EIF4EBP2: variants seen among roughly 807,000 people sequenced by gnomAD.
The protein encoded by EIF4EBP2 is eukaryotic translation initiation factor 4E binding protein 2.
In EIF4EBP2, 5 loss-of-function variants were observed where a neutral mutation model predicts 10.3. That is an observed-to-expected ratio of 0.48 (90% CI 0.25 to 1.02). The LOEUF (loss-of-function observed/expected upper bound fraction) is 1.02. Among genes scored for constraint, EIF4EBP2 ranks in the 50% least tolerant of loss-of-function variants. The pLI is 0.15. For synonymous variants in EIF4EBP2, 67 were observed against 61.1 expected (o/e 1.10, Z -0.45); for missense variants, 188 against 162.2 (o/e 1.16, Z -0.86).
rs1289419665 is a variant in EIF4EBP2 at position 70,420,008 on chromosome 10, A to C, written c.240A>C (p.Gly80=). The C allele has an allele frequency of 2.5e-6, 4 of 1,613,396 alleles. No homozygotes were observed. Among genetic ancestry groups the C allele is most frequent in the Non-Finnish European group, 3.4e-6 (4 of 1,179,726 alleles). ...TPPCHLPNIP[G]VTSPGTLIED... The stretch of plus-strand genomic sequence containing the variant: ...CCTGCCACCTGCCCAATATCCCAGG[A>C]GTCACTAGCCCTGGCACCTTAATTG... Residue 80 remains glycine (G), a synonymous_variant, in exon 2 of 3, where the codon GGA becomes GGC. Coordinates refer to ENST00000373218, the MANE Select transcript of EIF4EBP2 (RefSeq NM_004096.5).
intron 1 of EIF4EBP2, among the ~76,000 whole-genome samples, chr10:70,416,217 A>G (rs915287887): frequency 1.3e-5 from 2 of 152,320 alleles, no homozygotes; most frequent in African/African-American, 4.8e-5. Flanking sequence ...AATGTTGGCT[A>G]CAATATATAA....
rs772640749 is a variant in EIF4EBP2, at chr10:70,427,844, AG to A, written c.*6100del. 3.9e-5 allele frequency: 6 copies of A among 152,190 alleles called. No individual in the cohort carries two copies. The highest frequency in any genetic ancestry group is 8.8e-5 in the Non-Finnish European group (6 of 68,032). The allele number at this position is 152,190 out of a possible 1,614,324, so 9.4% of individuals were successfully genotyped here. A position where few individuals can be genotyped will look rare whatever the true frequency, so the allele number is the denominator to read the frequency against. On this transcript the variant is annotated 3_prime_UTR_variant, in exon 3 of 3. Transcript: ENST00000373218. ...CATTTGGCCACACTGAAATTTCCAA[AG>A]GGAGCTCTTGCCGGTGCTTAAAACC...
Position 70,423,551 on chromosome 10 carries a change from G to T in EIF4EBP2, c.*1804G>T, listed in dbSNP as rs981944670. The T allele has an allele frequency of 6.6e-6, 1 of 152,426 alleles. No individual in the cohort carries two copies. The highest frequency in any genetic ancestry group is 1.9e-4 in the East Asian group (1 of 5,196). 9.4% of individuals were successfully genotyped at this position (152,426 alleles called of 1,614,324 possible). A position where few individuals can be genotyped will look rare whatever the true frequency, so the allele number is the denominator to read the frequency against. ...CTGGTGTCCTGGGAATTTCTGGTTGGATTTGGTGCCCTGAACTTTTTTATT... is the reference window on the plus strand; with the variant it reads ...CTGGTGTCCTGGGAATTTCTGGTTGTATTTGGTGCCCTGAACTTTTTTATT... On this transcript the variant is annotated 3_prime_UTR_variant, in exon 3 of 3. Transcript: ENST00000373218.
intron 1 of EIF4EBP2, among the ~76,000 whole-genome samples, chr10:70,415,823 C>T (rs1440293838): frequency 1.3e-5 from 2 of 151,828 alleles, no homozygotes; most frequent in African/African-American, 4.8e-5. Context: ...ATCTTTATGA[C>T]CTTGGATTAG....
intron 1 of EIF4EBP2, among the ~76,000 whole-genome samples, chr10:70,416,577 CAA>C (rs370665696): frequency 9.4e-4 from 75 of 79,774 alleles, no homozygotes; most frequent in African/African-American, 3.0e-3. Context: ...GACTCTGTCT[CAA>C]AAAAAAAAAA....
At chr10:70,408,903 T>C (rs1845012133) in intron 1 of EIF4EBP2, among the ~76,000 whole-genome samples, 1 of 152,210 alleles carries the variant, frequency 6.6e-6, no homozygotes. Flanking sequence ...ATTGGAAATC[T>C]CTATTTAGTG....
intron 1 of EIF4EBP2, among the ~76,000 whole-genome samples, chr10:70,416,911 C>T (rs1379861850): frequency 2.6e-5 from 4 of 152,088 alleles, no homozygotes; most frequent in South Asian, 2.1e-4. Flanking sequence ...AAGTAATACA[C>T]GTTGGCCTCC....
At chr10:70,404,753 G>A (rs561736849) in intron 1 of EIF4EBP2, among the ~76,000 whole-genome samples, 114 of 152,346 alleles carry the variant, frequency 7.5e-4, no homozygotes, top group Non-Finnish European at 1.3e-3. Context: ...CCCCACTCGG[G>A]AATGTGGCTG....
Position 70,404,344 on chromosome 10 carries a change from C to T in EIF4EBP2, c.-58C>T. The T allele has an allele frequency of 6.1e-6, 9 of 1,482,500 alleles. No homozygotes were observed. The highest frequency in any genetic ancestry group is 8.0e-6 in the Non-Finnish European group (9 of 1,119,806). The allele number at this position is 1,482,500 out of a possible 1,614,324, so 91.8% of individuals were successfully genotyped here. On this transcript the variant is annotated 5_prime_UTR_variant, in exon 1 of 3. Transcript: ENST00000373218. ...GTCCGCCTGAGGAGCCGAAGCAGCC[C>T]CGGCCCCGCCGCCGCCGCCTGCCCG...
intron 1 of EIF4EBP2, among the ~76,000 whole-genome samples, chr10:70,408,960 T>C (rs1845012908): frequency 6.6e-6 from 1 of 152,172 alleles, no homozygotes; most frequent in Non-Finnish European, 1.5e-5. Flanking sequence ...CTAGAAATCT[T>C]CTGGAGGGTC....
intron 1 of EIF4EBP2, among the ~76,000 whole-genome samples, chr10:70,415,883 AAAAC>A (rs1447991670): frequency 1.3e-5 from 2 of 152,190 alleles, no homozygotes; most frequent in South Asian, 2.1e-4. Context: ...GAAAAAAAAA[AAAAC>A]ATACATTGGA....
At chr10:70,410,475 CAG>C (rs1172279639) in intron 1 of EIF4EBP2, among the ~76,000 whole-genome samples, 1 of 152,230 alleles carries the variant, frequency 6.6e-6, no homozygotes, top group African/African-American at 2.4e-5. Flanking sequence ...CTGAAGAATA[CAG>C]AGTTAGGCAG....
Position 70,423,226 on chromosome 10 carries a change from C to T in EIF4EBP2, c.*1479C>T, listed in dbSNP as rs1845176114. 6.6e-6 allele frequency: 1 copy of T among 152,650 alleles called. No individual in the cohort carries two copies. The highest frequency in any genetic ancestry group is 1.5e-5 in the Non-Finnish European group (1 of 68,054). The allele number at this position is 152,650 out of a possible 1,614,324, so 9.5% of individuals were successfully genotyped here. On this transcript the variant is annotated 3_prime_UTR_variant, in exon 3 of 3. Coordinates refer to ENST00000373218, the MANE Select transcript of EIF4EBP2 (RefSeq NM_004096.5). ...AGTTGAGAAACGTTCATAGGCAAGT[C>T]TGCTGTTCTATGTCACCATCTTTTG...
intron 1 of EIF4EBP2, among the ~76,000 whole-genome samples, chr10:70,419,153 G>A (rs1043917753): frequency 6.6e-5 from 10 of 152,216 alleles, no homozygotes; most frequent in African/African-American, 2.2e-4. Context: ...CCTAAGAGAT[G>A]TGAAGTGATA....
intron 2 of EIF4EBP2, 43 bp downstream of exon 2, chr10:70,420,142 G>A: frequency 2.6e-6 from 4 of 1,510,714 alleles, no homozygotes; most frequent in Non-Finnish European, 3.6e-6. Flanking sequence ...GTGGCTCTTG[G>A]AATTTGAATG....
At chr10:70,415,277 A>G (rs1014044723) in intron 1 of EIF4EBP2, among the ~76,000 whole-genome samples, 2 of 152,232 alleles carry the variant, frequency 1.3e-5, no homozygotes, top group Non-Finnish European at 2.9e-5. Context: ...ACTACAAAAC[A>G]TTGTTGAAAG....
intron 1 of EIF4EBP2, among the ~76,000 whole-genome samples, chr10:70,415,072 C>T (rs550263798): frequency 2.6e-5 from 4 of 151,206 alleles, no homozygotes; most frequent in South Asian, 4.2e-4. Flanking sequence ...GCAGGAGGAC[C>T]GCTTGAGCCC....
intron 1 of EIF4EBP2, among the ~76,000 whole-genome samples, chr10:70,414,745 G>A (rs1008874358): frequency 6.6e-6 from 1 of 151,844 alleles, no homozygotes; most frequent in Non-Finnish European, 1.5e-5. Context: ...GCGCATACCT[G>A]TAATCCCAGC....
At chr10:70,409,602 C>G (rs527268324) in intron 1 of EIF4EBP2, among the ~76,000 whole-genome samples, 1 of 152,154 alleles carries the variant, frequency 6.6e-6, no homozygotes, top group African/African-American at 2.4e-5. Flanking sequence ...GCTTATCTTA[C>G]TAGGAAAGGA....
Sources: gnomAD v4.1 joint callset for allele counts (sites outside exome capture counted in the v4.1 genomes callset) on GRCh38, gnomAD v4.1.1 for gene constraint, MANE v1.5 for transcripts, NCBI Gene and HGNC (gene_info 2026-07-23, HGNC 2026-07-21) for gene names.